The following ARHGAP15 variants were observed in gnomAD, a reference collection of about 807,000 sequenced individuals.
The protein encoded by ARHGAP15 is Rho GTPase activating protein 15.
In ARHGAP15, 51 loss-of-function variants were observed where a neutral mutation model predicts 63.7. That is an observed-to-expected ratio of 0.80 (90% CI 0.64 to 1.01). The LOEUF is 1.01. Among genes scored for constraint, ARHGAP15 ranks in the 50% least tolerant of loss-of-function variants. The probability of loss-of-function intolerance (pLI) is 0.00; values close to 1 mark genes in which losing one functional copy is unlikely to be tolerated. For synonymous variants in ARHGAP15, 191 were observed against 193.8 expected (o/e 0.99, Z 0.12); for missense variants, 560 against 564.6 (o/e 0.99, Z 0.08).
chr2:143,262,529 C>A (rs1462221552), intron 6 of ARHGAP15, among the ~76,000 whole-genome samples: 1 of 107,340 alleles, frequency 9.3e-6, no homozygotes, highest in Non-Finnish European at 1.9e-5. Flanking sequence ...GGGGTCTGAA[C>A]CTTTGATTTT....
intron 6 of ARHGAP15, among the ~76,000 whole-genome samples, chr2:143,332,757 C>G (rs1684603753): frequency 6.6e-6 from 1 of 152,150 alleles, no homozygotes; most frequent in Non-Finnish European, 1.5e-5. Flanking sequence ...CACTTCAAAA[C>G]AGTTCCTTAC....
chr2:143,445,153 ATTTTTT>A (rs10671306), intron 8 of ARHGAP15, among the ~76,000 whole-genome samples: 2 of 74,426 alleles, frequency 2.7e-5, no homozygotes, highest in African/African-American at 5.4e-5. Context: ...AAGAACAATT[ATTTTTT>A]TTTTTTTTTT....
chr2:143,556,793 T>G (rs966869349), intron 11 of ARHGAP15, among the ~76,000 whole-genome samples: 3 of 152,022 alleles, frequency 2.0e-5, no homozygotes, highest in African/African-American at 4.8e-5. Flanking sequence ...AAAAATGTTA[T>G]TGGCTTATAA....
intron 5 of ARHGAP15, among the ~76,000 whole-genome samples, chr2:143,229,585 G>A (rs1246845204): frequency 6.6e-6 from 1 of 152,172 alleles, no homozygotes; most frequent in Non-Finnish European, 1.5e-5. Flanking sequence ...TGATTAGGAA[G>A]GACTCCGGGC....
chr2:143,762,702 A>ATT (rs112837337), intron 13 of ARHGAP15, among the ~76,000 whole-genome samples: 6 of 150,784 alleles, frequency 4.0e-5, no homozygotes, highest in South Asian at 2.1e-4. Flanking sequence ...ATTGGCAAGG[A>ATT]TTTTTTTTTT....
intron 5 of ARHGAP15, among the ~76,000 whole-genome samples, chr2:143,249,047 G>T (rs529549040): frequency 1.0e-3 from 159 of 152,222 alleles, no homozygotes; most frequent in Non-Finnish European, 1.8e-4. Context: ...ACTTGACAAA[G>T]ACTATCATTA....
At chr2:143,382,333 G>C (rs1469989711) in intron 6 of ARHGAP15, among the ~76,000 whole-genome samples, 1 of 152,162 alleles carries the variant, frequency 6.6e-6, no homozygotes, top group Non-Finnish European at 1.5e-5. Context: ...GAAACCTGGA[G>C]GAATCATGCC....
intron 6 of ARHGAP15, among the ~76,000 whole-genome samples, chr2:143,417,398 C>T (rs1473694425): frequency 1.3e-5 from 2 of 152,090 alleles, no homozygotes; most frequent in African/African-American, 4.8e-5. Flanking sequence ...ACAAAATGCA[C>T]TAGGAGAAGA....
rs80313881 is a variant in ARHGAP15 at position 143,566,514 on chromosome 2, G to A, written c.1003+10029G>A. On this transcript the variant is annotated intron_variant, in intron 11 of 13. Transcript: ENST00000295095. ...TATCAGCTAAGAACCCTGGTGATGG[G>A]TTCAATGTGAATTAGTGGGAAAATA... 2.0e-3 allele frequency among the ~76,000 whole-genome samples: 303 copies of A among 152,192 alleles called. 1 individual carries two copies. The highest frequency in any genetic ancestry group is 7.0e-3 in the African/African-American group (289 of 41,520).
intron 11 of ARHGAP15, among the ~76,000 whole-genome samples, chr2:143,585,384 A>G (rs1477733363): frequency 6.6e-6 from 1 of 152,150 alleles, no homozygotes; most frequent in Non-Finnish European, 1.5e-5. Flanking sequence ...TAGTCATTTC[A>G]TAAATAAACA....
intron 11 of ARHGAP15, among the ~76,000 whole-genome samples, chr2:143,586,099 C>T (rs373653478): frequency 6.6e-6 from 1 of 152,220 alleles, no homozygotes; most frequent in African/African-American, 2.4e-5. Flanking sequence ...TTTCATGTAG[C>T]ACTCAGTGTT....
At chr2:143,767,847 T>C (rs2072972263) in intron 13 of ARHGAP15, 142 bp from the exon 14 acceptor site, 3 of 807,614 alleles carry the variant, frequency 3.7e-6, no homozygotes, top group African/African-American at 1.7e-5. Context: ...TTCCATACAG[T>C]AAAGTATGTA....
chr2:143,167,381 C>A (rs533665406), intron 2 of ARHGAP15, among the ~76,000 whole-genome samples: 106 of 152,194 alleles, frequency 7.0e-4, no homozygotes, highest in Non-Finnish European at 9.4e-4. Flanking sequence ...AACCAGGAGA[C>A]AAAATAGGCT....
At chr2:143,459,715 A>G (rs568236235) in intron 8 of ARHGAP15, among the ~76,000 whole-genome samples, 81 of 152,296 alleles carry the variant, frequency 5.3e-4, no homozygotes, top group Middle Eastern at 3.4e-3. Flanking sequence ...TAAAAGTCTG[A>G]ATTGAAGTGT....
intron 12 of ARHGAP15, among the ~76,000 whole-genome samples, chr2:143,637,919 A>T (rs1680405102): frequency 6.6e-6 from 1 of 152,204 alleles, no homozygotes; most frequent in South Asian, 2.1e-4. Context: ...ATCACTGGCC[A>T]TCAGAGAAAT....
intron 6 of ARHGAP15, among the ~76,000 whole-genome samples, chr2:143,413,688 G>A (rs1361904629): frequency 6.6e-6 from 1 of 152,040 alleles, no homozygotes; most frequent in Non-Finnish European, 1.5e-5. Context: ...TGCCCAGGCT[G>A]ATTCTGAACT....
At chr2:143,686,719 A>G (rs1288252357) in intron 12 of ARHGAP15, among the ~76,000 whole-genome samples, 1 of 152,166 alleles carries the variant, frequency 6.6e-6, no homozygotes, top group Non-Finnish European at 1.5e-5. Context: ...TCTGGTCAGA[A>G]AGGAATCCGA....
intron 6 of ARHGAP15, among the ~76,000 whole-genome samples, chr2:143,278,868 CTT>C (rs965265275): frequency 3.7e-5 from 5 of 135,278 alleles, no homozygotes; most frequent in East Asian, 2.1e-4. Flanking sequence ...TTCTTTCTTT[CTT>C]TTTTTTTTTT....
At chr2:143,135,049 A>C (rs1197825136) in intron 1 of ARHGAP15, among the ~76,000 whole-genome samples, 1 of 152,228 alleles carries the variant, frequency 6.6e-6, no homozygotes, top group Non-Finnish European at 1.5e-5. Context: ...GAACCCAACA[A>C]GGTCTCAGAG....
Sources: allele counts gnomAD v4.1 joint callset (sites outside exome capture counted in the v4.1 genomes callset), GRCh38; gene constraint gnomAD v4.1.1; transcripts MANE v1.5; gene names NCBI Gene and HGNC (gene_info 2026-07-23, HGNC 2026-07-21).